The following BLMH variants were observed in gnomAD, a reference collection of about 807,000 sequenced individuals.
BLMH encodes BLM hydrolase.
Under a neutral mutation model 61.6 loss-of-function variants are expected in BLMH, and 32 were observed. That is an observed-to-expected ratio of 0.52 (90% CI 0.39 to 0.70). The LOEUF (loss-of-function observed/expected upper bound fraction) is 0.70. Among genes scored for constraint, BLMH ranks in the 30% least tolerant of loss-of-function variants. BLMH has a pLI of 0.00. For synonymous variants in BLMH, 183 were observed against 193.8 expected (o/e 0.94, Z 0.46); for missense variants, 460 against 555.5 (o/e 0.83, Z 1.73).
Position 30,271,275 on chromosome 17 carries a change from T to G in BLMH, c.1142A>C (p.Glu381Ala), listed in dbSNP as rs150727588. Residue 381 changes from glutamate (E) to alanine (A), a missense_variant, in exon 10 of 12, where the codon GAG becomes GCG. By Grantham distance (107) the Glu-to-Ala change is moderately radical. Around this residue, in one of 5 missense-constraint regions of BLMH, gnomAD observed 310 missense variants for 371.1 expected, o/e 0.84. Coordinates refer to ENST00000261714, the MANE Select transcript of BLMH (RefSeq NM_000386.4). ...THAMTFTAVSEKDDQDGAFTK... is the reference protein window; with the variant it reads ...THAMTFTAVSAKDDQDGAFTK... The stretch of plus-strand genomic sequence containing the variant: ...CAGGCATGCTGAGGGTCATACCTTC[T>G]CTGAGACAGCAGTGAAGGTCATGGC... 420 of 1,606,672 alleles carry G rather than the reference T, an allele frequency of 2.6e-4. 1 individual carries two copies. The highest frequency in any genetic ancestry group is 4.0e-4 in the Admixed American group (24 of 60,004).
intron 11 of BLMH, among the ~76,000 whole-genome samples, chr17:30,265,232 A>T (rs550710713): frequency 6.6e-6 from 1 of 152,336 alleles, no homozygotes; most frequent in South Asian, 2.1e-4. Flanking sequence ...TCTCATAGAG[A>T]GATGAAAAGC....
intron 6 of BLMH, among the ~76,000 whole-genome samples, chr17:30,282,004 G>A (rs1187461815): frequency 6.6e-6 from 1 of 152,092 alleles, no homozygotes; most frequent in Middle Eastern, 3.2e-3. Context: ...CAATCATAAA[G>A]GCTTCTTTTC....
chr17:30,266,670 C>A (rs143429269), intron 11 of BLMH, among the ~76,000 whole-genome samples: 88 of 152,310 alleles, frequency 5.8e-4, no homozygotes, highest in African/African-American at 1.8e-3. Context: ...AAATGCAGCA[C>A]ATAGCAGTCT....
chr17:30,252,035 T>C (rs1182668699), intron 11 of BLMH: 3 of 152,228 alleles, frequency 2.0e-5, no homozygotes, highest in African/African-American at 7.2e-5. Flanking sequence ...AGAAGACAGC[T>C]GAATTCCTGT....
At chr17:30,289,057 C>G (rs1597668912) in intron 3 of BLMH, among the ~76,000 whole-genome samples, 1 of 151,964 alleles carries the variant, frequency 6.6e-6, no homozygotes, top group Non-Finnish European at 1.5e-5. Context: ...TAGAAAAGAA[C>G]AAATAACCTA....
At chr17:30,275,476 T>C (rs567131653) in intron 6 of BLMH, among the ~76,000 whole-genome samples, 4 of 151,900 alleles carry the variant, frequency 2.6e-5, no homozygotes, top group African/African-American at 9.7e-5. Context: ...CTGGCCAACA[T>C]GGTGAAACCC....
chr17:30,252,632 G>C (rs1907702857), intron 11 of BLMH, among the ~76,000 whole-genome samples: 1 of 151,448 alleles, frequency 6.6e-6, no homozygotes, highest in African/African-American at 2.4e-5. Flanking sequence ...AGCCTAAACA[G>C]AGTGAGACCC....
At position 30,286,904 on chromosome 17, in the gene BLMH, TA is replaced by T; in HGVS notation, c.464-3del. 6.4e-7 allele frequency: 1 copy of T among 1,561,626 alleles called. No homozygotes were observed. Among genetic ancestry groups the T allele is most frequent in the Non-Finnish European group, 8.8e-7 (1 of 1,137,208 alleles). ...TCTTAGGGATAACACCATATTTTTC[TA>T]AAAGAAAACAAATTCTAGTGTTAAA... On this transcript the variant is annotated splice_polypyrimidine_tract_variant and splice_region_variant and intron_variant, in intron 4 of 11. Transcript: ENST00000261714.
chr17:30,286,573 A>G (rs1908733258), intron 5 of BLMH, among the ~76,000 whole-genome samples: 1 of 152,210 alleles, frequency 6.6e-6, no homozygotes, highest in South Asian at 2.1e-4. Flanking sequence ...TTTCCTAACT[A>G]TCCCCCTAAG....
intron 11 of BLMH, among the ~76,000 whole-genome samples, chr17:30,251,882 A>G (rs1034022429): frequency 2.0e-5 from 3 of 152,256 alleles, no homozygotes; most frequent in African/African-American, 7.2e-5. Context: ...CTAAAACAGA[A>G]AGTTAAAAAT....
chr17:30,291,261 G>C (rs73989825), intron 2 of BLMH, 50 bp downstream of exon 2: 3 of 1,578,938 alleles, frequency 1.9e-6, no homozygotes, highest in South Asian at 2.2e-5. Context: ...ACCAAAATGG[G>C]ACGCTGTCAG....
chr17:30,291,709 C>A (rs1476863937), intron 1 of BLMH, 98 bp downstream of exon 1: 2 of 1,409,096 alleles, frequency 1.4e-6, no homozygotes, highest in African/African-American at 2.9e-5. Flanking sequence ...TCCCCGCCAT[C>A]GCCAAGGGTC....
chr17:30,285,447 C>T lies in BLMH; in HGVS notation c.586G>A (p.Val196Ile), dbSNP rs766336534. ...REFCIRLRNLVHSGATKGEIS... is the reference protein window; with the variant it reads ...REFCIRLRNLIHSGATKGEIS... ...TCTCCTTTGGTTGCTCCACTGTGTA[C>T]CAGGTTCCGCAGTCGTATACAGAAT... is the stretch of plus-strand genomic sequence containing the variant. Residue 196 changes from valine to isoleucine, a missense_variant, in exon 6 of 12, where the codon GTA becomes ATA. Coordinates refer to ENST00000261714, the MANE Select transcript of BLMH (RefSeq NM_000386.4). 1 of 1,612,824 alleles carries T rather than the reference C, an allele frequency of 6.2e-7. No homozygotes were observed. Among genetic ancestry groups the T allele is most frequent in the South Asian group, 1.1e-5 (1 of 90,762 alleles).
At chr17:30,291,263 C>CG in intron 2 of BLMH, 48 bp downstream of exon 2, 1 of 1,578,740 alleles carries the variant, frequency 6.3e-7, no homozygotes, top group Non-Finnish European at 8.6e-7. Flanking sequence ...CAAAATGGGA[C>CG]GCTGTCAGGA....
intron 6 of BLMH, among the ~76,000 whole-genome samples, chr17:30,282,215 C>G (rs975438732): frequency 6.9e-6 from 1 of 144,130 alleles, no homozygotes; most frequent in Non-Finnish European, 1.5e-5. Flanking sequence ...TTTTAACAGA[C>G]AAGGTTTTTT....
intron 5 of BLMH, 58 bp from the exon 6 acceptor site, chr17:30,285,538 T>C: frequency 7.2e-7 from 1 of 1,398,222 alleles, no homozygotes; most frequent in Non-Finnish European, 9.9e-7. Context: ...TGTAAATGAC[T>C]CTCATAGACC....
At chr17:30,274,268 C>G in intron 6 of BLMH, 71 bp from the exon 7 acceptor site, 1 of 1,520,318 alleles carries the variant, frequency 6.6e-7, no homozygotes, top group Non-Finnish European at 8.8e-7. Flanking sequence ...TCTTCATTTT[C>G]CTTAAGCTTA....
chr17:30,278,677 GGGGGGAGC>G (rs1908492357), intron 6 of BLMH, among the ~76,000 whole-genome samples: 1 of 151,996 alleles, frequency 6.6e-6, no homozygotes, highest in South Asian at 2.1e-4. Flanking sequence ...TTTTTTTGTG[GGGGGGAGC>G]GGGGGACAGA....
chr17:30,278,142 G>A (rs1245925663), intron 6 of BLMH, among the ~76,000 whole-genome samples: 1 of 151,860 alleles, frequency 6.6e-6, no homozygotes, highest in Non-Finnish European at 1.5e-5. Context: ...AATTTCCATG[G>A]TCTCTGATAC....
Sources: gnomAD v4.1 joint callset for allele counts (sites outside exome capture counted in the v4.1 genomes callset) on GRCh38, gnomAD v4.1.1 for gene constraint, gnomAD v4.1.1 regional missense constraint, MANE v1.5 for transcripts, NCBI Gene and HGNC (gene_info 2026-07-23, HGNC 2026-07-21) for gene names.